Variants in TXNL4A observed in about 807,000 individuals in gnomAD.
The protein encoded by TXNL4A is thioredoxin-like protein 4A.
A neutral mutation model predicts 14.6 loss-of-function variants in TXNL4A; 17 were observed. That is an observed-to-expected ratio of 1.16 (90% CI 0.80 to 1.74). The LOEUF (loss-of-function observed/expected upper bound fraction) is 1.74. TXNL4A is among the 40% of genes most tolerant of loss of function. The pLI is 0.00. For missense variants in TXNL4A, 74 were observed against 195.2 expected (o/e 0.38, Z 3.70); for synonymous variants, 83 against 70.6 (o/e 1.18, Z -0.88).
chr18:80,001,109 G>A (rs2051695790), intron 1 of TXNL4A, among the ~76,000 whole-genome samples: 1 of 152,222 alleles, frequency 6.6e-6, no homozygotes, highest in Admixed American at 6.5e-5. Flanking sequence ...AGGACTTGGT[G>A]CCCTGTGTCC....
At chr18:79,983,754 T>C (rs956667409) in intron 1 of TXNL4A, among the ~76,000 whole-genome samples, 4 of 152,230 alleles carry the variant, frequency 2.6e-5, no homozygotes, top group Non-Finnish European at 5.9e-5. Flanking sequence ...GTAATCACAG[T>C]AATAACAGTG....
In TXNL4A at chr18:79,993,588, T is replaced by G. The variant is rs2051641709; in HGVS notation, c.-60-15887A>C. On this transcript the variant is annotated intron_variant, in intron 1 of 2. Coordinates refer to the TXNL4A transcript ENST00000585474. This position sits in a 1 kb window ranked among gnomAD's most constrained non-coding sequence, Gnocchi z 4.4. ...CACTGTTAGTTTTGCTTAGCTGTTT[T>G]GTTGTTTCCGTCTTGTTGGGTTGTG... 6.6e-6 allele frequency among the ~76,000 whole-genome samples: 1 copy of G among 152,228 alleles called. No homozygotes were observed. Among genetic ancestry groups the G allele is most frequent in the African/African-American group, 2.4e-5 (1 of 41,462 alleles).
intron 1 of TXNL4A, among the ~76,000 whole-genome samples, chr18:80,002,902 C>T (rs1275987340): frequency 6.6e-6 from 1 of 152,232 alleles, no homozygotes; most frequent in Non-Finnish European, 1.5e-5. Context: ...TGGCATCCCA[C>T]AGGCATCGGT....
In TXNL4A at chr18:80,016,927, G is replaced by A. The variant is rs900923708; in HGVS notation, c.-61+16924C>T. 2.1e-3 allele frequency among the ~76,000 whole-genome samples: 318 copies of A among 152,144 alleles called. 2 individuals are homozygous for A. The highest frequency in any genetic ancestry group is 2.4e-3 in the Non-Finnish European group (162 of 68,006). ...AGTCATTGGTAGCTTGATGGGGATG[G>A]CATTGAATCTATAATTACCTTGGGC... On this transcript the variant is annotated intron_variant, in intron 1 of 2. Transcript: ENST00000585474.
chr18:80,013,209 G>A (rs1302307912), intron 1 of TXNL4A, among the ~76,000 whole-genome samples: 1 of 145,776 alleles, frequency 6.9e-6, no homozygotes, highest in Non-Finnish European at 1.5e-5. Context: ...TGCAAGCTCC[G>A]CCTCCTGGGT....
chr18:79,973,480 T>A lies in TXNL4A; in HGVS notation c.*205A>T, dbSNP rs946624701. ...ACTAGGAAAATCAGTAATCTATTCA[T>A]TAAGTTTCCTGAGAACAAACAAGTA... is the stretch of plus-strand genomic sequence containing the variant. On this transcript the variant is annotated 3_prime_UTR_variant, in exon 3 of 3. Coordinates refer to ENST00000269601, the MANE Select transcript of TXNL4A (RefSeq NM_006701.5). The A allele has an allele frequency of 1.3e-5, 7 of 520,672 alleles. No homozygotes were observed. The highest frequency in any genetic ancestry group is 1.2e-4 in the African/African-American group (6 of 51,002). 32.3% of individuals were successfully genotyped at this position (520,672 alleles called of 1,614,324 possible). A position where few individuals can be genotyped will look rare whatever the true frequency, so the allele number is the denominator to read the frequency against.
chr18:80,032,983 G>A (rs2051933456), intron 1 of TXNL4A, among the ~76,000 whole-genome samples: 1 of 69,162 alleles, frequency 1.4e-5, no homozygotes, highest in Non-Finnish European at 3.2e-5. Context: ...TTTTTCCTCT[G>A]CCCGTTTGTT....
intron 1 of TXNL4A, among the ~76,000 whole-genome samples, chr18:80,018,132 T>C (rs2051824370): frequency 1.3e-5 from 2 of 152,228 alleles, no homozygotes. Flanking sequence ...TATAACAAAC[T>C]GTCTCTCAGA....
intron 1 of TXNL4A, among the ~76,000 whole-genome samples, chr18:80,005,527 A>G (rs1044645183): frequency 5.3e-5 from 8 of 152,262 alleles, no homozygotes; most frequent in Non-Finnish European, 5.9e-5. Context: ...TGGCCTAGTA[A>G]CAGAGAATCC....
At chr18:80,013,111 G>GA (rs201882672) in intron 1 of TXNL4A, among the ~76,000 whole-genome samples, 15 of 140,862 alleles carry the variant, frequency 1.1e-4, no homozygotes, top group African/African-American at 2.8e-4. Flanking sequence ...ATTAAAAAAG[G>GA]AAAAAAAAAA....
upstream of TXNL4A, among the ~76,000 whole-genome samples, chr18:79,989,267 C>T (rs115376227): frequency 2.8e-3 from 419 of 152,256 alleles, no homozygotes; most frequent in African/African-American, 9.7e-3. Context: ...AGGCGCCAGC[C>T]CGGCTAGTGT....
In TXNL4A at chr18:80,011,883, G is replaced by A. The variant is rs978661781; in HGVS notation, c.-61+21968C>T. Among the ~76,000 whole-genome samples the A allele has an allele frequency of 1.3e-5, 2 of 151,906 alleles. No individual in the cohort carries two copies. Among genetic ancestry groups the A allele is most frequent in the Non-Finnish European group, 2.9e-5 (2 of 67,992 alleles). On this transcript the variant is annotated intron_variant, in intron 1 of 2. Coordinates refer to the TXNL4A transcript ENST00000585474. This position sits in a 1 kb window ranked among gnomAD's most constrained non-coding sequence, Gnocchi z 4.1. ...TTAAGTAGTTTAGACACACGCCTTT[G>A]CTCGAGGAAATTCACAGAAACCGAG...
chr18:79,992,308 C>T (rs2051633252), upstream of TXNL4A, among the ~76,000 whole-genome samples: 1 of 152,098 alleles, frequency 6.6e-6, no homozygotes, highest in South Asian at 2.1e-4. Context: ...CAAATCTGCC[C>T]CAAAGTCAGA....
rs2051314353 is a variant in TXNL4A at position 79,972,571 on chromosome 18, TCTC to T, written c.*1111_*1113del. On this transcript the variant is annotated 3_prime_UTR_variant, in exon 3 of 3. Transcript: ENST00000269601. ...CCTCCACCTCCCGGGTTCAAGCAAT[TCTC>T]CTGCCTCAGCCTTCCAAGTAGCTGG... 1 of 152,320 alleles carries T rather than the reference TCTC, an allele frequency of 6.6e-6. No individual in the cohort carries two copies. 9.4% of individuals were successfully genotyped at this position (152,320 alleles called of 1,614,324 possible). A position where few individuals can be genotyped will look rare whatever the true frequency, so the allele number is the denominator to read the frequency against.
intron 1 of TXNL4A, among the ~76,000 whole-genome samples, chr18:80,001,511 C>A (rs1405051728): frequency 6.6e-6 from 1 of 152,132 alleles, no homozygotes; most frequent in East Asian, 1.9e-4. Flanking sequence ...GAGCCACAGA[C>A]ACTCAACTCC....
chr18:80,019,885 T>C (rs1468575906), intron 1 of TXNL4A, among the ~76,000 whole-genome samples: 1 of 152,190 alleles, frequency 6.6e-6, no homozygotes, highest in East Asian at 1.9e-4. Context: ...TCCCATACCA[T>C]GCTTTATTTA....
intron 1 of TXNL4A, among the ~76,000 whole-genome samples, chr18:80,001,170 G>C (rs2051696092): frequency 6.6e-6 from 1 of 152,226 alleles, no homozygotes; most frequent in Admixed American, 6.5e-5. Flanking sequence ...TTGGGTTGTG[G>C]CTTCAAAGAA....
intron 1 of TXNL4A, among the ~76,000 whole-genome samples, chr18:80,018,900 TAAAAC>T (rs1033744670): frequency 6.6e-6 from 1 of 152,218 alleles, no homozygotes; most frequent in Non-Finnish European, 1.5e-5. Context: ...GTATCTTTGC[TAAAAC>T]AAAACAAGAG....
chr18:79,980,213 C>T (rs1453853047), intron 1 of TXNL4A, among the ~76,000 whole-genome samples: 7 of 152,212 alleles, frequency 4.6e-5, no homozygotes, highest in Non-Finnish European at 8.8e-5. Context: ...GAGGACTCTC[C>T]TTGGCAGGTT....
Sources: gnomAD v4.1 joint callset for allele counts (sites outside exome capture counted in the v4.1 genomes callset) on GRCh38, gnomAD v4.1.1 for gene constraint, Gnocchi (gnomAD v3.1) non-coding constraint, MANE v1.5 for transcripts, NCBI Gene and HGNC (gene_info 2026-07-23, HGNC 2026-07-21) for gene names.